Variants in STARD8 observed in about 807,000 individuals in gnomAD.
STARD8 encodes the protein StAR related lipid transfer domain containing 8.
A neutral mutation model predicts 69.4 loss-of-function variants in STARD8; 25 were observed. That is an observed-to-expected ratio of 0.36 (90% confidence interval 0.26 to 0.50). The LOEUF (loss-of-function observed/expected upper bound fraction) is 0.50, where lower values mean the gene tolerates loss of function less well. STARD8 is among the 20% of genes least tolerant of loss of function. STARD8 has a pLI of 0.96. For synonymous variants in STARD8, 389 were observed against 374.6 expected (o/e 1.04, Z -0.45); for missense variants, 921 against 932.5 (o/e 0.99, Z 0.16).
intron 2 of STARD8, among the ~76,000 whole-genome samples, chrX:68,685,398 A>G (rs1307705743): frequency 2.7e-5 from 3 of 111,617 alleles, no homozygotes; most frequent in African/African-American, 9.8e-5. Flanking sequence ...GCTGTTGGTA[A>G]CTTTTGGCCT....
chrX:68,720,248 T>A lies in STARD8; in HGVS notation c.1890-16T>A. 1 of 1,178,391 alleles carries A rather than the reference T, an allele frequency of 8.5e-7. No individual in the cohort carries two copies. The highest frequency in any genetic ancestry group is 1.1e-6 in the Non-Finnish European group (1 of 877,052). ...TGTGTTCCCCCTATCTGATCACTTG[T>A]CATTCTCCCAAACAGGTCAATGCCC... On this transcript the variant is annotated splice_polypyrimidine_tract_variant and intron_variant, in intron 7 of 14. Coordinates refer to ENST00000374599, the MANE Select transcript of STARD8 (RefSeq NM_001142503.3).
intron 2 of STARD8, among the ~76,000 whole-genome samples, chrX:68,700,682 C>T (rs185000220): frequency 8.9e-6 from 1 of 112,199 alleles, no homozygotes; most frequent in East Asian, 2.8e-4. Context: ...AAGAGCTTGT[C>T]CCCAAACATC....
chrX:68,721,699 C>T lies in STARD8; in HGVS notation c.2412C>T (p.Pro804=). 1 of 1,212,272 alleles carries T rather than the reference C, an allele frequency of 8.2e-7. No homozygotes were observed. Among genetic ancestry groups the T allele is most frequent in the Non-Finnish European group, 1.1e-6 (1 of 895,591 alleles). ...TAGNLAVCLA[P]SIFHLNVSKK... The stretch of plus-strand genomic sequence containing the variant: ...GCAACCTGGCAGTGTGCCTGGCGCC[C>T]TCCATCTTCCACCTCAATGTCTCTA... The change falls in exon 10 of 15, where the codon CCC becomes CCT. Residue 804 remains proline, a synonymous_variant. Transcript: ENST00000374599.
intron 2 of STARD8, among the ~76,000 whole-genome samples, chrX:68,706,416 G>C (rs766442382): frequency 5.0e-4 from 56 of 111,859 alleles, no homozygotes; most frequent in Middle Eastern, 4.6e-3. Context: ...CCGCCCCATA[G>C]ATAGGGCACT....
At chrX:68,716,326 G>T in intron 4 of STARD8, 42 bp from the exon 5 acceptor site, 1 of 1,180,857 alleles carries the variant, frequency 8.5e-7, no homozygotes, top group East Asian at 3.0e-5. Context: ...GCCAGGCTTT[G>T]GGGATGGGGA....
At chrX:68,662,867 G>A (rs747526068) in intron 1 of STARD8, among the ~76,000 whole-genome samples, 4 of 112,034 alleles carry the variant, frequency 3.6e-5, no homozygotes, top group Non-Finnish European at 5.6e-5. Context: ...GCATGTAATC[G>A]ACTCCCCCTC....
rs1232168018 is a variant in STARD8 at position 68,724,628 on chromosome X, C to G, written c.*206C>G. On this transcript the variant is annotated 3_prime_UTR_variant, in exon 15 of 15. Coordinates refer to ENST00000374599, the MANE Select transcript of STARD8 (RefSeq NM_001142503.3). ...AGAGAATTTAGGCAACTCCACTCCCCCTTCACCCCCAACCCTGTATTCTAC... is the reference window on the plus strand; with the variant it reads ...AGAGAATTTAGGCAACTCCACTCCCGCTTCACCCCCAACCCTGTATTCTAC... The G allele has an allele frequency of 2.5e-6, 1 of 397,581 alleles. No homozygotes were observed. Among genetic ancestry groups the G allele is most frequent in the African/African-American group, 2.5e-5 (1 of 40,293 alleles). The allele number at this position is 397,581 out of a possible 1,213,427, so 32.8% of individuals were successfully genotyped here.
intron 2 of STARD8, among the ~76,000 whole-genome samples, chrX:68,699,237 A>G (rs915628833): frequency 2.7e-5 from 3 of 111,553 alleles, no homozygotes; most frequent in Admixed American, 9.5e-5. Flanking sequence ...TCTCTCCCAC[A>G]ACCCCTCTAG....
At position 68,672,635 on chromosome X, in the gene STARD8, C is replaced by T. The variant is rs1029147889; in HGVS notation, c.79+7103C>T. ...AACAAACTGGTGTCAGAAGCAGAGC[C>T]GTTCCCTCACCACAGCCTGAAAGTC... On this transcript the variant is annotated intron_variant, in intron 2 of 14. Coordinates refer to ENST00000374599, the MANE Select transcript of STARD8 (RefSeq NM_001142503.3). Among the ~76,000 whole-genome samples, 4 of 111,230 alleles carry T rather than the reference C, an allele frequency of 3.6e-5. No homozygotes were observed. In the Admixed American group the frequency reaches 3.8e-4, roughly 11 times the overall value.
At chrX:68,716,306 G>T (rs919530684) in intron 4 of STARD8, 62 bp from the exon 5 acceptor site, 15 of 1,083,188 alleles carry the variant, frequency 1.4e-5, no homozygotes, top group East Asian at 9.5e-5. Flanking sequence ...GGTGCATCTT[G>T]GTAGGCTCTG....
At chrX:68,668,200 TTCCTTCCC>T (rs2079701579) in intron 2 of STARD8, among the ~76,000 whole-genome samples, 1 of 103,163 alleles carries the variant, frequency 9.7e-6, no homozygotes, top group Non-Finnish European at 2.0e-5. Context: ...CCTTCCTTCC[TTCCTTCCC>T]TCCTCCTTCT....
chrX:68,665,916 G>C (rs1029827703), intron 2 of STARD8, among the ~76,000 whole-genome samples: 5 of 112,167 alleles, frequency 4.5e-5, no homozygotes, highest in Non-Finnish European at 9.4e-5. Flanking sequence ...GGAGGGTAAA[G>C]GAAGGAGACT....
In STARD8 at chrX:68,693,970, G is replaced by A. The variant is rs1176537496; in HGVS notation, c.80-18944G>A. On this transcript the variant is annotated intron_variant, in intron 2 of 14. Coordinates refer to ENST00000374599, the MANE Select transcript of STARD8 (RefSeq NM_001142503.3). ...GGGCGGCGTACGCAAGAGACAGGGAGGAAGCGAGCCGAGCCACCCCCGCCC... is the reference window on the plus strand; with the variant it reads ...GGGCGGCGTACGCAAGAGACAGGGAAGAAGCGAGCCGAGCCACCCCCGCCC... The A allele has an allele frequency of 7.1e-5, 30 of 424,593 alleles. 1 individual carries two copies. The highest frequency in any genetic ancestry group is 2.9e-3 in the Middle Eastern group (2 of 680). The allele number at this position is 424,593 out of a possible 1,213,427, so 35.0% of individuals were successfully genotyped here.
rs936709703 is a variant in STARD8 at position 68,725,202 on chromosome X, G to A, written c.*780G>A. On this transcript the variant is annotated 3_prime_UTR_variant, in exon 15 of 15. Transcript: ENST00000374599. Reference sequence around the variant, plus strand: ...GGGGTCCTGTGTAGCCTTTGGCCACGCACTGACACTGCCCAGGCCAAGCAA... The same window carrying A: ...GGGGTCCTGTGTAGCCTTTGGCCACACACTGACACTGCCCAGGCCAAGCAA... 1 of 110,605 alleles carries A rather than the reference G, an allele frequency of 9.0e-6. No individual in the cohort carries two copies. 9.1% of individuals were successfully genotyped at this position (110,605 alleles called of 1,213,427 possible). A position where few individuals can be genotyped will look rare whatever the true frequency, so the allele number is the denominator to read the frequency against.
At chrX:68,721,869 C>T in intron 10 of STARD8, 123 bp downstream of exon 10, 1 of 819,223 alleles carries the variant, frequency 1.2e-6, no homozygotes, top group East Asian at 3.4e-5. Context: ...GTGAGCCTGA[C>T]TCCTCAGGGG....
Position 68,724,607 on chromosome X carries a change from A to C in STARD8, c.*185A>C. 2.4e-6 allele frequency: 1 copy of C among 408,926 alleles called. No individual in the cohort carries two copies. The highest frequency in any genetic ancestry group is 4.2e-6 in the Non-Finnish European group (1 of 236,457). 33.7% of individuals were successfully genotyped at this position (408,926 alleles called of 1,213,427 possible). On this transcript the variant is annotated 3_prime_UTR_variant, in exon 15 of 15. Transcript: ENST00000374599. ...CTGCACATAGAGGGGAGAAAAAGAG[A>C]ATTTAGGCAACTCCACTCCCCCTTC...
At position 68,718,250 on chromosome X, in the gene STARD8, G is replaced by T; in HGVS notation, c.1336G>T (p.Val446Phe). The T allele has an allele frequency of 8.3e-7, 1 of 1,211,505 alleles. No homozygotes were observed. Residue 446 changes from valine to phenylalanine, a missense_variant, in exon 6 of 15, where the codon GTT (valine) becomes TTT (phenylalanine). Physicochemically the swap from Val to Phe is conservative, Grantham distance 50 (BLOSUM62 -1). Transcript: ENST00000374599. ...CQAEALSQME[V>F]PAHGESPAWA... ...AGCTGAGGCTCTCAGCCAGATGGAG[G>T]TTCCGGCCCATGGAGAGTCCCCAGC... is the stretch of plus-strand genomic sequence containing the variant.
intron 13 of STARD8, 36 bp downstream of exon 13, chrX:68,723,879 G>A (rs779144099): frequency 1.2e-5 from 15 of 1,206,010 alleles, no homozygotes; most frequent in Non-Finnish European, 1.6e-5. Context: ...CTGTGCTTGG[G>A]GGGCCGGAGA....
chrX:68,717,079 A>C, intron 5 of STARD8, 133 bp from the exon 6 acceptor site: 1 of 1,003,614 alleles, frequency 1.0e-6, no homozygotes, highest in Non-Finnish European at 1.3e-6. Flanking sequence ...CTCCCCACCT[A>C]GGCCATGTTC....
Sources: gnomAD v4.1 joint callset for allele counts (sites outside exome capture counted in the v4.1 genomes callset) on GRCh38, gnomAD v4.1.1 for gene constraint, MANE v1.5 for transcripts, NCBI Gene and HGNC (gene_info 2026-07-23, HGNC 2026-07-21) for gene names.